The following IL16 variants were observed in gnomAD, a reference collection of about 807,000 sequenced individuals.
The protein encoded by IL16 is pro-interleukin-16.
IL16 carries 67 observed loss-of-function variants against 110.1 expected under a neutral mutation model. That is an observed-to-expected ratio of 0.61 (90% CI 0.50 to 0.75). The LOEUF is 0.75. Ranked by LOEUF, IL16 falls within the 30% of genes least tolerant of loss-of-function variation. IL16 has a pLI of 0.00. For missense variants in IL16, 1,545 were observed against 1,655.0 expected (o/e 0.93, Z 1.15); for synonymous variants, 689 against 662.9 (o/e 1.04, Z -0.61).
intron 2 of IL16, among the ~76,000 whole-genome samples, chr15:81,228,466 G>T (rs1333499739): frequency 2.6e-5 from 4 of 151,952 alleles, no homozygotes; most frequent in Non-Finnish European, 5.9e-5. Flanking sequence ...GATTACAGGA[G>T]CCTGCCACTA....
intron 2 of IL16, among the ~76,000 whole-genome samples, chr15:81,235,524 C>A (rs965644476): frequency 6.6e-6 from 1 of 152,172 alleles, no homozygotes; most frequent in African/African-American, 2.4e-5. Context: ...CCACTAGGCC[C>A]CCCCTCCAAC....
intron 1 of IL16, among the ~76,000 whole-genome samples, chr15:81,221,000 T>C (rs755301542): frequency 6.6e-6 from 1 of 152,118 alleles, no homozygotes; most frequent in African/African-American, 2.4e-5. Context: ...TAAAAACATA[T>C]ACTGATAACT....
chr15:81,247,685 C>T (rs966554097), intron 2 of IL16, among the ~76,000 whole-genome samples: 4 of 152,066 alleles, frequency 2.6e-5, no homozygotes, highest in African/African-American at 7.2e-5. Flanking sequence ...CACTTGTAAC[C>T]TCTACTTCAG....
chr15:81,299,728 A>G lies in IL16; in HGVS notation c.2402A>G (p.Asn801Ser). The change falls in exon 14 of 19, where the codon AAT (asparagine) becomes AGT (serine). Residue 801 changes from asparagine (N) to serine (S), a missense_variant. This residue lies in a region of IL16 where 1,185 missense variants were observed against 1,238.8 expected (regional missense o/e 0.96). Coordinates refer to ENST00000683961, the MANE Select transcript of IL16 (RefSeq NM_172217.5). ...CGCCAAAGCTTGAAAGGTTTGAGGA[A>G]TCGTGCTTCAGACCCAAGAGGGCTC... is the stretch of plus-strand genomic sequence containing the variant. ...WFRQSLKGLR[N>S]RASDPRGLPD... The G allele has an allele frequency of 2.5e-6, 4 of 1,614,160 alleles. No individual in the cohort carries two copies. The highest frequency in any genetic ancestry group is 1.6e-4 in the Middle Eastern group (1 of 6,062).
intron 10 of IL16, among the ~76,000 whole-genome samples, chr15:81,287,756 G>C (rs566276491): frequency 1.3e-5 from 2 of 152,338 alleles, no homozygotes; most frequent in South Asian, 2.1e-4. Flanking sequence ...AGTAATGAGG[G>C]AAATCAATAT....
chr15:81,203,387 G>A (rs1242170552), intron 1 of IL16, among the ~76,000 whole-genome samples: 1 of 152,152 alleles, frequency 6.6e-6, no homozygotes, highest in Non-Finnish European at 1.5e-5. Context: ...TAGACATGAA[G>A]TCCTTGCCCA....
chr15:81,207,612 T>C (rs1896081522), intron 1 of IL16, among the ~76,000 whole-genome samples: 1 of 149,648 alleles, frequency 6.7e-6, no homozygotes, highest in Non-Finnish European at 1.5e-5. Flanking sequence ...AAGTGAGAAC[T>C]TGAAGTATTC....
intron 18 of IL16, chr15:81,306,773 T>C (rs1379936563): frequency 1.7e-6 from 1 of 575,758 alleles, no homozygotes; most frequent in Non-Finnish European, 3.1e-6. Flanking sequence ...CAAAAATACC[T>C]AAGTCCTGGG....
At chr15:81,253,353 T>A (rs1897834790) in intron 2 of IL16, among the ~76,000 whole-genome samples, 1 of 152,212 alleles carries the variant, frequency 6.6e-6, no homozygotes, top group African/African-American at 2.4e-5. Flanking sequence ...TAAGCATCCT[T>A]TGTATACTCT....
intron 1 of IL16, among the ~76,000 whole-genome samples, chr15:81,224,248 C>T (rs1896713779): frequency 6.6e-6 from 1 of 152,212 alleles, no homozygotes; most frequent in Non-Finnish European, 1.5e-5. Context: ...ATTCCTTATT[C>T]AATACTGGAT....
At chr15:81,270,467 C>G (rs1898583135) in intron 5 of IL16, among the ~76,000 whole-genome samples, 1 of 152,196 alleles carries the variant, frequency 6.6e-6, no homozygotes, top group African/African-American at 2.4e-5. Flanking sequence ...CTCAAGTCCT[C>G]TTTCCCTCCA....
intron 9 of IL16, among the ~76,000 whole-genome samples, chr15:81,285,106 C>G (rs1448218863): frequency 6.6e-6 from 1 of 151,160 alleles, no homozygotes; most frequent in African/African-American, 2.4e-5. Context: ...GTTTAGGTTG[C>G]TATTAACTCC....
intron 2 of IL16, among the ~76,000 whole-genome samples, chr15:81,254,996 G>A (rs1288898703): frequency 1.3e-5 from 2 of 152,220 alleles, no homozygotes; most frequent in African/African-American, 2.4e-5. Context: ...AGGAAACTGA[G>A]CCCAGATAAT....
intron 1 of IL16, among the ~76,000 whole-genome samples, chr15:81,213,181 G>A (rs926908123): frequency 6.6e-6 from 1 of 152,084 alleles, no homozygotes; most frequent in African/African-American, 2.4e-5. Flanking sequence ...TAATTTCCAT[G>A]CATTTATGTA....
intron 6 of IL16, among the ~76,000 whole-genome samples, chr15:81,275,361 G>A (rs1898856144): frequency 1.0e-5 from 1 of 99,722 alleles, no homozygotes; most frequent in South Asian, 3.7e-4. Flanking sequence ...GGGGGAGGAG[G>A]GGGGGGAGGG....
chr15:81,209,481 C>G (rs1896155374), intron 1 of IL16, among the ~76,000 whole-genome samples: 1 of 152,036 alleles, frequency 6.6e-6, no homozygotes, highest in South Asian at 2.1e-4. Context: ...CAGGGATGAA[C>G]TGGGACAACA....
At chr15:81,199,633 A>G (rs1296254647) in intron 1 of IL16, among the ~76,000 whole-genome samples, 2 of 152,156 alleles carry the variant, frequency 1.3e-5, no homozygotes, top group African/African-American at 2.4e-5. Flanking sequence ...AGACATGGCT[A>G]CCTTGCTCAG....
chr15:81,289,946 G>C, intron 10 of IL16: 1 of 453,440 alleles, frequency 2.2e-6, no homozygotes, highest in Non-Finnish European at 4.4e-6. Flanking sequence ...ACTTGTCTAG[G>C]TGTTCACACC....
chr15:81,279,258 AATCT>A (rs529423391), intron 7 of IL16, among the ~76,000 whole-genome samples: 90 of 152,176 alleles, frequency 5.9e-4, no homozygotes, highest in Admixed American at 2.0e-3. Context: ...ATTATCAATC[AATCT>A]ATCTATCTAT....
Sources: allele counts gnomAD v4.1 joint callset (sites outside exome capture counted in the v4.1 genomes callset), GRCh38; gene constraint gnomAD v4.1.1; regional missense constraint gnomAD v4.1.1; transcripts MANE v1.5; gene names NCBI Gene and HGNC (gene_info 2026-07-23, HGNC 2026-07-21).